Variants in MAP7 observed in about 807,000 individuals in gnomAD.
MAP7 encodes the protein ensconsin.
In MAP7, 52 loss-of-function variants were observed where a neutral mutation model predicts 94.8. The ratio of observed to expected loss-of-function variants is 0.55; its 90% CI spans 0.44 to 0.69. The LOEUF is 0.69. MAP7 is among the 30% of genes least tolerant of loss of function. The pLI is 0.00. For synonymous variants in MAP7, 350 were observed against 357.0 expected, an observed-to-expected ratio of 0.98 and a Z score of 0.22; for missense variants, 940 against 964.6, an observed-to-expected ratio of 0.97 and a Z score of 0.34.
intron 1 of MAP7, among the ~76,000 whole-genome samples, chr6:136,500,573 T>G (rs1819543726): frequency 6.6e-6 from 1 of 152,240 alleles, no homozygotes; most frequent in African/African-American, 2.4e-5. Context: ...TGTAGTAATG[T>G]TAGACATACT....
chr6:136,457,471 A>G (rs906532637), intron 1 of MAP7, among the ~76,000 whole-genome samples: 20 of 152,184 alleles, frequency 1.3e-4, no homozygotes, highest in Non-Finnish European at 2.4e-4. Context: ...TCAAATTACG[A>G]AGCGGTGTTA....
chr6:136,416,007 C>T (rs1355745994), intron 2 of MAP7, among the ~76,000 whole-genome samples: 1 of 152,180 alleles, frequency 6.6e-6, no homozygotes, highest in Admixed American at 6.5e-5. Flanking sequence ...GTTTCTATCC[C>T]TCTGTTCCCA....
intron 3 of MAP7, among the ~76,000 whole-genome samples, chr6:136,390,814 T>C (rs1014141328): frequency 6.6e-6 from 1 of 152,204 alleles, no homozygotes; most frequent in Non-Finnish European, 1.5e-5. Context: ...TGATCGGAAC[T>C]GACTTTATTT....
chr6:136,403,100 A>ATGTAGC (rs1183982777), intron 3 of MAP7, among the ~76,000 whole-genome samples: 1 of 152,112 alleles, frequency 6.6e-6, no homozygotes, highest in African/African-American at 2.4e-5. Flanking sequence ...TCCTCAAAGA[A>ATGTAGC]TGTAGCCATT....
At chr6:136,419,426 C>G (rs1056743975) in intron 2 of MAP7, among the ~76,000 whole-genome samples, 1 of 152,082 alleles carries the variant, frequency 6.6e-6, no homozygotes, top group Non-Finnish European at 1.5e-5. Flanking sequence ...TTTTTTGAAA[C>G]ACATTTATTC....
intron 1 of MAP7, among the ~76,000 whole-genome samples, chr6:136,515,670 C>T (rs1047649263): frequency 1.3e-5 from 2 of 152,198 alleles, no homozygotes; most frequent in African/African-American, 4.8e-5. Flanking sequence ...GTAGTCAGAA[C>T]ACACACAATA....
chr6:136,354,084 T>C (rs1790048750), intron 16 of MAP7, among the ~76,000 whole-genome samples: 1 of 146,778 alleles, frequency 6.8e-6, no homozygotes, highest in Non-Finnish European at 1.5e-5. Context: ...GTAAAAATAA[T>C]ACAAGTAACT....
At chr6:136,486,697 G>T (rs2128979410) in intron 1 of MAP7, among the ~76,000 whole-genome samples, 1 of 152,212 alleles carries the variant, frequency 6.6e-6, no homozygotes, top group South Asian at 2.1e-4. Flanking sequence ...GGGTTCATTG[G>T]GTCTTGTGAA....
chr6:136,358,754 TCACAC>T (rs1044551823), intron 15 of MAP7, among the ~76,000 whole-genome samples: 4 of 152,190 alleles, frequency 2.6e-5, no homozygotes, highest in African/African-American at 9.6e-5. Flanking sequence ...CATATTGATA[TCACAC>T]ATGAGGAAAG....
At chr6:136,489,526 CT>C (rs1164047042) in intron 1 of MAP7, among the ~76,000 whole-genome samples, 554 of 102,990 alleles carry the variant, frequency 5.4e-3, no homozygotes, top group Middle Eastern at 0.012. Context: ...CATCAGGTTT[CT>C]TTTTTTTTTT....
At chr6:136,490,690 G>C (rs1224654134) in intron 1 of MAP7, among the ~76,000 whole-genome samples, 1 of 152,222 alleles carries the variant, frequency 6.6e-6, no homozygotes, top group African/African-American at 2.4e-5. Context: ...GTGTGAGTCT[G>C]AATTCATCCT....
intron 7 of MAP7, among the ~76,000 whole-genome samples, chr6:136,375,579 G>A (rs1015307353): frequency 3.3e-5 from 5 of 152,106 alleles, no homozygotes; most frequent in African/African-American, 1.2e-4. Flanking sequence ...TAAAAATGAT[G>A]GAAAATGTGG....
At chr6:136,406,090 A>G (rs1434880447) in intron 3 of MAP7, among the ~76,000 whole-genome samples, 1 of 152,190 alleles carries the variant, frequency 6.6e-6, no homozygotes, top group Non-Finnish European at 1.5e-5. Flanking sequence ...AAGCTCTCTG[A>G]ATAAAAAATT....
At chr6:136,467,259 C>T (rs1018146573) in intron 1 of MAP7, among the ~76,000 whole-genome samples, 18 of 152,214 alleles carry the variant, frequency 1.2e-4, no homozygotes, top group African/African-American at 3.9e-4. Context: ...CTTCCTGATG[C>T]ATTAACAGTG....
rs571738313 is a variant in MAP7 at position 136,538,061 on chromosome 6, C to T, written c.67+12281G>A. Among the ~76,000 whole-genome samples the T allele has an allele frequency of 1.0e-3, 159 of 152,268 alleles. 5 individuals are homozygous for T. The South Asian group carries it at 0.028, about 27-fold the overall frequency. ...CCTCCCAAAGTGCTGGGATTACAGG[C>T]GTGAGCCACCATGCCTGGCTGAAAT... On this transcript the variant is annotated intron_variant, in intron 1 of 17. Transcript: ENST00000354570.
chr6:136,448,438 A>T (rs1390891234), intron 1 of MAP7, among the ~76,000 whole-genome samples: 1 of 147,514 alleles, frequency 6.8e-6, no homozygotes, highest in Admixed American at 6.8e-5. Context: ...TTTAAGACGG[A>T]GTTTTTGCTC....
chr6:136,429,720 G>A (rs1794335172), intron 1 of MAP7, among the ~76,000 whole-genome samples: 1 of 152,016 alleles, frequency 6.6e-6, no homozygotes, highest in Non-Finnish European at 1.5e-5. Flanking sequence ...GCGCTGACAG[G>A]AATAAACATT....
intron 16 of MAP7, among the ~76,000 whole-genome samples, chr6:136,356,384 T>C (rs1349117141): frequency 6.6e-6 from 1 of 152,178 alleles, no homozygotes; most frequent in African/African-American, 2.4e-5. Flanking sequence ...CAGGCTGGTC[T>C]AGAACTCTCA....
chr6:136,363,665 C>G (rs1793477276), intron 10 of MAP7, among the ~76,000 whole-genome samples: 1 of 152,182 alleles, frequency 6.6e-6, no homozygotes, highest in African/African-American at 2.4e-5. Context: ...GAATTCACAG[C>G]TCCAGGTGGT....
Sources: gnomAD v4.1 joint callset for allele counts (sites outside exome capture counted in the v4.1 genomes callset) on GRCh38, gnomAD v4.1.1 for gene constraint, MANE v1.5 for transcripts, NCBI Gene and HGNC (gene_info 2026-07-23, HGNC 2026-07-21) for gene names.